DHRS3: variants seen among roughly 807,000 people sequenced by gnomAD.
DHRS3 encodes short-chain dehydrogenase/reductase 3.
DHRS3 carries 14 observed loss-of-function variants against 27.2 expected under a neutral mutation model. The ratio of observed to expected loss-of-function variants is 0.52; its 90% CI spans 0.34 to 0.81. The LOEUF (loss-of-function observed/expected upper bound fraction) is 0.81, where lower values mean the gene tolerates loss of function less well. DHRS3 is among the 30% of genes least tolerant of loss of function. The probability of loss-of-function intolerance (pLI) is 0.01; values close to 1 mark genes in which losing one functional copy is unlikely to be tolerated. For synonymous variants in DHRS3, 165 were observed against 175.9 expected, an observed-to-expected ratio of 0.94 and a Z score of 0.49; for missense variants, 322 against 406.2, an observed-to-expected ratio of 0.79 and a Z score of 1.78.
chr1:12,570,702 C>T (rs1646528467), intron 5 of DHRS3, among the ~76,000 whole-genome samples: 1 of 152,164 alleles, frequency 6.6e-6, no homozygotes, highest in South Asian at 2.1e-4. Flanking sequence ...CTAAGAAGCT[C>T]CCCTGAGGTG....
At chr1:12,588,362 G>A (rs1442173826) in intron 1 of DHRS3, among the ~76,000 whole-genome samples, 1 of 152,182 alleles carries the variant, frequency 6.6e-6, no homozygotes, top group East Asian at 1.9e-4. Context: ...ACCCCTCGAG[G>A]TGGGTATGTT....
At chr1:12,583,652 C>T (rs1307685119) in intron 1 of DHRS3, among the ~76,000 whole-genome samples, 2 of 146,734 alleles carry the variant, frequency 1.4e-5, no homozygotes, top group South Asian at 2.2e-4. Flanking sequence ...ACATACCCCA[C>T]TCCATCCATC....
intron 5 of DHRS3, among the ~76,000 whole-genome samples, chr1:12,571,797 G>A (rs2100642513): frequency 6.6e-6 from 1 of 152,188 alleles, no homozygotes; most frequent in East Asian, 1.9e-4. Flanking sequence ...GCCTCCCAAA[G>A]TGCTGGGATT....
At chr1:12,568,643 A>T (rs1429505028) in intron 5 of DHRS3, among the ~76,000 whole-genome samples, 1 of 152,100 alleles carries the variant, frequency 6.6e-6, no homozygotes, top group African/African-American at 2.4e-5. Context: ...GGGCAGGGGG[A>T]GGCTGGGCGC....
chr1:12,587,736 A>G (rs1379129687), intron 1 of DHRS3, among the ~76,000 whole-genome samples: 1 of 151,786 alleles, frequency 6.6e-6, no homozygotes, highest in African/African-American at 2.4e-5. Flanking sequence ...AACAAAACAA[A>G]ACAAAACAAA....
At position 12,617,458 on chromosome 1, in the gene DHRS3, C is replaced by T. The variant is rs543523417; in HGVS notation, c.-110G>A. On this transcript the variant is annotated 5_prime_UTR_variant, in exon 1 of 6. Transcript: ENST00000616661. Reference sequence around the variant, plus strand: ...GTAAACCGAATAAGGAGGAGAGAGGCGTCCCACCTGGCCACTCTTGAAATC... The same window carrying T: ...GTAAACCGAATAAGGAGGAGAGAGGTGTCCCACCTGGCCACTCTTGAAATC... 42 of 1,087,844 alleles carry T rather than the reference C, an allele frequency of 3.9e-5. No homozygotes were observed. The highest frequency in any genetic ancestry group is 3.0e-4 in the East Asian group (10 of 33,158). 67.4% of individuals were successfully genotyped at this position (1,087,844 alleles called of 1,614,324 possible).
rs1646766627 is a variant in DHRS3 at position 12,593,921 on chromosome 1, C to T, written c.196-13255G>A. Among the ~76,000 whole-genome samples the T allele has an allele frequency of 6.6e-6, 1 of 152,224 alleles. No homozygotes were observed. The highest frequency in any genetic ancestry group is 1.5e-5 in the Non-Finnish European group (1 of 68,040). On this transcript the variant is annotated intron_variant, in intron 1 of 5. Coordinates refer to ENST00000616661, the MANE Select transcript of DHRS3 (RefSeq NM_004753.7). This position sits in a 1 kb window ranked among gnomAD's most constrained non-coding sequence, Gnocchi z 4.6. ...TCACAAACATCCCCAGCCTACAAGA[C>T]TGGCCAGGGGCTCCACCTCCATCTG... is the stretch of plus-strand genomic sequence containing the variant.
In DHRS3 at chr1:12,579,262, G is replaced by A. The variant is rs941259291; in HGVS notation, c.459+31C>T. On this transcript the variant is annotated intron_variant, in intron 3 of 5. Transcript: ENST00000616661. ...TCCTGCCTGGGCTCCCTGCACGCCC[G>A]GGGCTGGCTCTGGCCCCGGATAGCC... The A allele has an allele frequency of 8.1e-6, 13 of 1,613,742 alleles. No individual in the cohort carries two copies. In the Middle Eastern group the frequency reaches 6.6e-4, roughly 82 times the overall value.
In DHRS3 at chr1:12,617,430, A is replaced by C; in HGVS notation, c.-82T>G. Reference sequence around the variant, plus strand: ...AATTAAAAAACACCCCGAACAATAAATAGTAAACCGAATAAGGAGGAGAGA... The same window carrying C: ...AATTAAAAAACACCCCGAACAATAACTAGTAAACCGAATAAGGAGGAGAGA... On this transcript the variant is annotated 5_prime_UTR_variant, in exon 1 of 6. Coordinates refer to ENST00000616661, the MANE Select transcript of DHRS3 (RefSeq NM_004753.7). 3 of 1,442,638 alleles carry C rather than the reference A, an allele frequency of 2.1e-6. No individual in the cohort carries two copies. The highest frequency in any genetic ancestry group is 2.8e-6 in the Non-Finnish European group (3 of 1,067,894). 89.4% of individuals were successfully genotyped at this position (1,442,638 alleles called of 1,614,324 possible).
Position 12,592,378 on chromosome 1 carries a change from C to T in DHRS3, c.196-11712G>A, listed in dbSNP as rs375347728. 1.3e-5 allele frequency among the ~76,000 whole-genome samples: 2 copies of T among 152,098 alleles called. No homozygotes were observed. Among genetic ancestry groups the T allele is most frequent in the South Asian group, 4.2e-4 (2 of 4,814 alleles). On this transcript the variant is annotated intron_variant, in intron 1 of 5. Transcript: ENST00000616661. This position sits in a 1 kb window ranked among gnomAD's most constrained non-coding sequence, Gnocchi z 4.2. ...TTGGGGATCTCAAAGTGAGATCACC[C>T]TGGGTTAGGGTGGGCTCTGAGTCTA...
chr1:12,609,194 C>T (rs1406290322), intron 1 of DHRS3, among the ~76,000 whole-genome samples: 1 of 152,192 alleles, frequency 6.6e-6, no homozygotes, highest in Non-Finnish European at 1.5e-5. Context: ...ACTCCAAGAA[C>T]ACTAAGTGTC....
chr1:12,576,561 T>TAAA (rs1185862824), intron 4 of DHRS3, among the ~76,000 whole-genome samples: 1 of 142,834 alleles, frequency 7.0e-6, no homozygotes, highest in Non-Finnish European at 1.5e-5. Context: ...GATTCCGTCT[T>TAAA]AAAAAAAAAA....
chr1:12,617,379 A>G lies in DHRS3; in HGVS notation c.-31T>C, dbSNP rs757867172. On this transcript the variant is annotated 5_prime_UTR_variant, in exon 1 of 6. Coordinates refer to ENST00000616661, the MANE Select transcript of DHRS3 (RefSeq NM_004753.7). ...GCGCCGCGGAGCCGGGCAGGGGGCG[A>G]AACTCCCCGGGCCGAGCAATACAGG... The G allele has an allele frequency of 2.5e-6, 4 of 1,588,918 alleles. No homozygotes were observed. The highest frequency in any genetic ancestry group is 3.4e-6 in the Non-Finnish European group (4 of 1,162,434).
chr1:12,578,756 G>T lies in DHRS3; in HGVS notation c.660C>A (p.Phe220Leu). The change falls in exon 4 of 6, where the codon TTC becomes TTA. Residue 220 changes from phenylalanine to leucine, a missense_variant. Phe to Leu is a conservative substitution (Grantham distance 22). Transcript: ENST00000616661. This position sits in a 1 kb window ranked among gnomAD's most constrained non-coding sequence, Gnocchi z 4.5. ...CCTGGAACATCTCGGTGCTGGTGTG[G>T]AAGGGCAGCACTGTGGTGGCGCTGA... ...PGVSATTVLPFHTSTEMFQGM... is the reference protein window; with the variant it reads ...PGVSATTVLPLHTSTEMFQGM... The T allele has an allele frequency of 6.2e-7, 1 of 1,614,102 alleles. No homozygotes were observed. Among genetic ancestry groups the T allele is most frequent in the Non-Finnish European group, 8.5e-7 (1 of 1,179,996 alleles).
chr1:12,616,351 C>A (rs757677384), intron 1 of DHRS3, among the ~76,000 whole-genome samples: 3 of 152,110 alleles, frequency 2.0e-5, no homozygotes, highest in Non-Finnish European at 4.4e-5. Context: ...GACAGCCTGC[C>A]CACTCTCCCC....
At chr1:12,575,506 C>G (rs996112024) in intron 4 of DHRS3, among the ~76,000 whole-genome samples, 1 of 152,008 alleles carries the variant, frequency 6.6e-6, no homozygotes, top group African/African-American at 2.4e-5. Context: ...TGCTTTTATC[C>G]ATTTTTTATT....
intron 2 of DHRS3, chr1:12,579,844 A>G (rs1646628086): frequency 5.6e-6 from 1 of 179,454 alleles, no homozygotes; most frequent in Admixed American, 5.4e-5. Context: ...TTTATGATCA[A>G]TCAATTGATG....
chr1:12,587,130 T>G (rs929321736), intron 1 of DHRS3, among the ~76,000 whole-genome samples: 3 of 149,188 alleles, frequency 2.0e-5, no homozygotes, highest in Admixed American at 6.7e-5. Context: ...TAAGATAATC[T>G]CAACTCTAAA....
Position 12,591,063 on chromosome 1 carries a change from T to C in DHRS3, c.196-10397A>G, listed in dbSNP as rs897453465. Among the ~76,000 whole-genome samples the C allele has an allele frequency of 7.9e-5, 12 of 152,154 alleles. No individual in the cohort carries two copies. Among genetic ancestry groups the C allele is most frequent in the African/African-American group, 2.7e-4 (11 of 41,446 alleles). ...CTGTTTCTAGGGGAGGAGACAGACA[T>C]AGAGCTTCGGGTTTTCCAGGCAACC... On this transcript the variant is annotated intron_variant, in intron 1 of 5. Coordinates refer to ENST00000616661, the MANE Select transcript of DHRS3 (RefSeq NM_004753.7). The surrounding 1 kb of genome is among the most constrained non-coding windows in gnomAD (Gnocchi z 4.1).
Sources: gnomAD v4.1 joint callset for allele counts (sites outside exome capture counted in the v4.1 genomes callset) on GRCh38, gnomAD v4.1.1 for gene constraint, Gnocchi (gnomAD v3.1) non-coding constraint, MANE v1.5 for transcripts, NCBI Gene and HGNC (gene_info 2026-07-23, HGNC 2026-07-21) for gene names.